Variants in HS6ST3 observed in about 807,000 individuals in gnomAD.
The protein encoded by HS6ST3 is heparan-sulfate 6-O-sulfotransferase 3.
In HS6ST3, 12 loss-of-function variants were observed where a neutral mutation model predicts 36.7. That is an observed-to-expected ratio of 0.33 (90% CI 0.21 to 0.53). The LOEUF (loss-of-function observed/expected upper bound fraction) is 0.53. HS6ST3 is among the 20% of genes least tolerant of loss of function. HS6ST3 has a pLI of 0.95. For synonymous variants in HS6ST3, 240 were observed against 257.5 expected, an observed-to-expected ratio of 0.93 and a Z score of 0.65; for missense variants, 584 against 640.9, an observed-to-expected ratio of 0.91 and a Z score of 0.96.
intron 1 of HS6ST3, among the ~76,000 whole-genome samples, chr13:96,800,196 G>A (rs1428130048): frequency 6.7e-6 from 1 of 150,334 alleles, no homozygotes; most frequent in African/African-American, 2.4e-5. Flanking sequence ...TTTATATATA[G>A]GTAGGGAAAA....
intron 1 of HS6ST3, among the ~76,000 whole-genome samples, chr13:96,771,620 A>G (rs1877268413): frequency 6.6e-6 from 1 of 152,118 alleles, no homozygotes; most frequent in Non-Finnish European, 1.5e-5. Context: ...GTAATAAACA[A>G]ATGTGCGTTA....
At chr13:96,328,719 T>G (rs1470937301) in intron 1 of HS6ST3, among the ~76,000 whole-genome samples, 5 of 152,220 alleles carry the variant, frequency 3.3e-5, no homozygotes, top group Non-Finnish European at 7.3e-5. Context: ...GAGGATTCCC[T>G]CTTTTTCTAT....
At chr13:96,413,277 TGTGA>T (rs1244832398) in intron 1 of HS6ST3, among the ~76,000 whole-genome samples, 2 of 152,214 alleles carry the variant, frequency 1.3e-5, no homozygotes, top group African/African-American at 4.8e-5. Flanking sequence ...TTCTTGAGTT[TGTGA>T]GTAACAGTAC....
chr13:96,523,645 C>A (rs536164240), intron 1 of HS6ST3, among the ~76,000 whole-genome samples: 2 of 151,904 alleles, frequency 1.3e-5, no homozygotes, highest in Non-Finnish European at 2.9e-5. Context: ...CCCTTTCTTC[C>A]ACTTGATTGA....
intron 1 of HS6ST3, among the ~76,000 whole-genome samples, chr13:96,620,628 T>C (rs1371455027): frequency 6.6e-6 from 1 of 152,244 alleles, no homozygotes; most frequent in Admixed American, 6.5e-5. Context: ...TTTTTGATTA[T>C]TTTATTTTTA....
At chr13:96,566,237 GA>G (rs2056280880) in intron 1 of HS6ST3, among the ~76,000 whole-genome samples, 1 of 152,080 alleles carries the variant, frequency 6.6e-6, no homozygotes, top group African/African-American at 2.4e-5. Flanking sequence ...ACATTCGGTT[GA>G]TAGAAGTTGC....
chr13:96,412,085 A>G (rs1302756240), intron 1 of HS6ST3, among the ~76,000 whole-genome samples: 2 of 151,798 alleles, frequency 1.3e-5, no homozygotes, highest in Non-Finnish European at 2.9e-5. Context: ...GCTCACTGCA[A>G]CCTCCGCCTC....
chr13:96,833,527 A>G lies in HS6ST3; in HGVS notation c.*329A>G. The G allele has an allele frequency of 4.3e-6, 1 of 233,678 alleles. No individual in the cohort carries two copies. The highest frequency in any genetic ancestry group is 8.4e-6 in the Non-Finnish European group (1 of 119,206). The allele number at this position is 233,678 out of a possible 1,614,324, so 14.5% of individuals were successfully genotyped here. A position where few individuals can be genotyped will look rare whatever the true frequency, so the allele number is the denominator to read the frequency against. On this transcript the variant is annotated 3_prime_UTR_variant, in exon 2 of 2. Transcript: ENST00000376705. ...AGGAGCATAGAATAGTTTGGGTACC[A>G]GGAACCCACAGAGGCACACATGAAA...
Position 96,423,428 on chromosome 13 carries a change from C to T in HS6ST3, c.707+331859C>T, listed in dbSNP as rs181189018. Reference sequence around the variant, plus strand: ...GGATGCTGTCAGGTAGTAACAAGCACGGTGAAAAATAATAAAGTGAGTAGA... The same window carrying T: ...GGATGCTGTCAGGTAGTAACAAGCATGGTGAAAAATAATAAAGTGAGTAGA... On this transcript the variant is annotated intron_variant, in intron 1 of 1. Transcript: ENST00000376705. Among the ~76,000 whole-genome samples, 160 of 150,882 alleles carry T rather than the reference C, an allele frequency of 1.1e-3. 3 individuals are homozygous for T. The highest frequency in any genetic ancestry group is 3.8e-3 in the African/African-American group (153 of 40,520).
At position 96,715,987 on chromosome 13, in the gene HS6ST3, G is replaced by A. The variant is rs72645509; in HGVS notation, c.708-116503G>A. Reference sequence around the variant, plus strand: ...ATCTACATTCTATTCCATAATCATCGTATAATCTTCTGTGCCTTTTCTCTG... The same window carrying A: ...ATCTACATTCTATTCCATAATCATCATATAATCTTCTGTGCCTTTTCTCTG... On this transcript the variant is annotated intron_variant, in intron 1 of 1. Coordinates refer to ENST00000376705, the MANE Select transcript of HS6ST3 (RefSeq NM_153456.4). Among the ~76,000 whole-genome samples the A allele has an allele frequency of 4.2e-3, 629 of 150,656 alleles. 6 individuals are homozygous for A. Among genetic ancestry groups the A allele is most frequent in the Admixed American group, 7.6e-3 (115 of 15,118 alleles).
intron 1 of HS6ST3, among the ~76,000 whole-genome samples, chr13:96,709,095 G>T (rs1278077532): frequency 2.0e-5 from 3 of 152,078 alleles, no homozygotes; most frequent in Non-Finnish European, 4.4e-5. Flanking sequence ...TTTCTCCCAC[G>T]CTGTCTTGTG....
At chr13:96,724,675 TGA>T (rs1230120187) in intron 1 of HS6ST3, among the ~76,000 whole-genome samples, 1 of 152,222 alleles carries the variant, frequency 6.6e-6, no homozygotes, top group Non-Finnish European at 1.5e-5. Context: ...CAGCATAGTT[TGA>T]GATTCATCTA....
chr13:96,314,943 A>C (rs1001726418), intron 1 of HS6ST3, among the ~76,000 whole-genome samples: 12 of 152,188 alleles, frequency 7.9e-5, no homozygotes, highest in Admixed American at 7.2e-4. Flanking sequence ...CAACAAAAGC[A>C]AAAACAAATA....
Position 96,837,158 on chromosome 13 carries a change from A to C in HS6ST3, c.*3960A>C, listed in dbSNP as rs182334590. 7 of 152,356 alleles carry C rather than the reference A, an allele frequency of 4.6e-5. No individual in the cohort carries two copies. The East Asian group carries it at 1.3e-3, about 29-fold the overall frequency. The allele number at this position is 152,356 out of a possible 1,614,324, so 9.4% of individuals were successfully genotyped here. On this transcript the variant is annotated 3_prime_UTR_variant, in exon 2 of 2. Coordinates refer to ENST00000376705, the MANE Select transcript of HS6ST3 (RefSeq NM_153456.4). ...ACAATGTGAAATAATGTGGAAATTA[A>C]TACTGATAAAGACTATCAGTATCTG...
chr13:96,305,893 T>C (rs968095171), intron 1 of HS6ST3, among the ~76,000 whole-genome samples: 1 of 150,976 alleles, frequency 6.6e-6, no homozygotes, highest in African/African-American at 2.4e-5. Context: ...TTCATTTCTA[T>C]TAACATTTAT....
At chr13:96,517,295 A>T (rs1277650130) in intron 1 of HS6ST3, among the ~76,000 whole-genome samples, 1 of 151,736 alleles carries the variant, frequency 6.6e-6, no homozygotes, top group African/African-American at 2.4e-5. Context: ...TGGGAGAATC[A>T]CTTGGATCTG....
At chr13:96,174,284 CGT>C in intron 1 of HS6ST3, among the ~76,000 whole-genome samples, 1 of 152,056 alleles carries the variant, frequency 6.6e-6, no homozygotes, top group Admixed American at 6.6e-5. Flanking sequence ...CTATATAATG[CGT>C]TATATGTTTA....
chr13:96,774,721 G>A (rs1877346497), intron 1 of HS6ST3, among the ~76,000 whole-genome samples: 1 of 152,160 alleles, frequency 6.6e-6, no homozygotes, highest in Admixed American at 6.5e-5. Flanking sequence ...GTACCTGAAA[G>A]TGACGGGGAG....
intron 1 of HS6ST3, among the ~76,000 whole-genome samples, chr13:96,581,363 G>GT (rs1037113266): frequency 1.8e-4 from 27 of 152,162 alleles, no homozygotes; most frequent in African/African-American, 6.3e-4. Context: ...GAGACTACAG[G>GT]TGTATGTCAC....
Sources: gnomAD v4.1 joint callset for allele counts (sites outside exome capture counted in the v4.1 genomes callset) on GRCh38, gnomAD v4.1.1 for gene constraint, MANE v1.5 for transcripts, NCBI Gene and HGNC (gene_info 2026-07-23, HGNC 2026-07-21) for gene names.